The following PRR11 variants were observed in gnomAD, a reference collection of about 807,000 sequenced individuals.
PRR11 encodes the protein proline rich 11.
In PRR11, 30 loss-of-function variants were observed where a neutral mutation model predicts 45.6. That is an observed-to-expected ratio of 0.66 (90% confidence interval 0.49 to 0.89). PRR11 has a LOEUF of 0.89. Ranked by LOEUF, PRR11 falls within the 40% of genes least tolerant of loss-of-function variation. PRR11 has a pLI of 0.00. For missense variants in PRR11, 373 were observed against 424.8 expected, an observed-to-expected ratio of 0.88 and a Z score of 1.07; for synonymous variants, 128 against 153.5, an observed-to-expected ratio of 0.83 and a Z score of 1.23.
chr17:59,193,488 C>T lies in PRR11; in HGVS notation c.403-4C>T. 5.0e-6 allele frequency: 8 copies of T among 1,614,068 alleles called. No individual in the cohort carries two copies. The highest frequency in any genetic ancestry group is 1.3e-5 in the African/African-American group (1 of 75,046). On this transcript the variant is annotated splice_region_variant and splice_polypyrimidine_tract_variant and intron_variant, in intron 4 of 9. Transcript: ENST00000262293. ...TATTTGCCAAATGTGATGTCTTCTT[C>T]CAGACCATCTCAGAAAGTTCTTCCT...
chr17:59,192,956 G>A (rs867343673), intron 4 of PRR11, among the ~76,000 whole-genome samples: 5 of 151,944 alleles, frequency 3.3e-5, no homozygotes, highest in Non-Finnish European at 5.9e-5. Context: ...ATCTCCCTTC[G>A]TCTGCTAAGT....
intron 9 of PRR11, among the ~76,000 whole-genome samples, chr17:59,199,473 T>C (rs541538069): frequency 3.9e-5 from 6 of 152,288 alleles, no homozygotes; most frequent in East Asian, 1.9e-4. Flanking sequence ...GAGCTTTCTT[T>C]GTCACATTCA....
Position 59,172,887 on chromosome 17 carries a change from A to C in PRR11, c.128+3007A>C, listed in dbSNP as rs2046718380. 2.0e-5 allele frequency among the ~76,000 whole-genome samples: 3 copies of C among 152,198 alleles called. No individual in the cohort carries two copies. In the South Asian group the frequency reaches 6.2e-4, roughly 31 times the overall value. ...CACAGCACCCATCGCATGCCCGCCC[A>C]AGGGCTGAGGAGTGTGGGCACATGG... On this transcript the variant is annotated intron_variant, in intron 2 of 9. Coordinates refer to ENST00000262293, the MANE Select transcript of PRR11 (RefSeq NM_018304.4).
At chr17:59,172,494 A>C (rs1475700981) in intron 2 of PRR11, among the ~76,000 whole-genome samples, 2 of 152,180 alleles carry the variant, frequency 1.3e-5, no homozygotes, top group African/African-American at 4.8e-5. Flanking sequence ...GGCCGGAGCC[A>C]GCTCCCTCAG....
At chr17:59,170,964 TTAAAG>T (rs1264504388) in intron 2 of PRR11, among the ~76,000 whole-genome samples, 1 of 152,134 alleles carries the variant, frequency 6.6e-6, no homozygotes, top group Non-Finnish European at 1.5e-5. Flanking sequence ...CACATCCTCT[TTAAAG>T]TAACACACGG....
intron 1 of PRR11, among the ~76,000 whole-genome samples, chr17:59,161,182 G>A (rs940468852): frequency 6.6e-6 from 1 of 152,026 alleles, no homozygotes; most frequent in Non-Finnish European, 1.5e-5. Context: ...CGAGGGAGGC[G>A]GATAACCTGA....
chr17:59,193,069 T>G (rs536495181), intron 4 of PRR11, among the ~76,000 whole-genome samples: 1 of 152,314 alleles, frequency 6.6e-6, no homozygotes, highest in African/African-American at 2.4e-5. Context: ...TTGTTTTGTT[T>G]CAAGTGTGTT....
chr17:59,172,864 C>A (rs998802620), intron 2 of PRR11, among the ~76,000 whole-genome samples: 9 of 152,272 alleles, frequency 5.9e-5, no homozygotes, highest in African/African-American at 2.2e-4. Context: ...CCCTGCTCCA[C>A]AGCACCCATC....
chr17:59,197,410 C>A (rs1244837253), intron 7 of PRR11, 134 bp from the exon 8 acceptor site: 5 of 796,930 alleles, frequency 6.3e-6, no homozygotes, highest in African/African-American at 5.2e-5. Context: ...CACCACCACA[C>A]CTGGCTAATT....
chr17:59,195,370 G>T lies in PRR11; in HGVS notation c.784G>T (p.Val262Phe), dbSNP rs148344168. Residue 262 changes from valine to phenylalanine, a missense_variant, in exon 7 of 10, where the codon GTC becomes TTC. Coordinates refer to ENST00000262293, the MANE Select transcript of PRR11 (RefSeq NM_018304.4). ...GAAAGCACGGAATCCACTAGTTACC[G>T]TCTCTGACTTGCAGCATGTTACCCT... Reference protein sequence around the residue: ...SPKARNPLVTVSDLQHVTLKP... With the variant: ...SPKARNPLVTFSDLQHVTLKP... 1 of 1,613,226 alleles carries T rather than the reference G, an allele frequency of 6.2e-7. No homozygotes were observed. The highest frequency in any genetic ancestry group is 8.5e-7 in the Non-Finnish European group (1 of 1,179,422).
At chr17:59,197,086 A>T (rs1206643151) in intron 7 of PRR11, among the ~76,000 whole-genome samples, 4 of 151,786 alleles carry the variant, frequency 2.6e-5, no homozygotes, top group African/African-American at 7.3e-5. Context: ...TGACCTCGTG[A>T]TCCATCTGCC....
intron 1 of PRR11, among the ~76,000 whole-genome samples, chr17:59,162,223 C>G (rs905387921): frequency 2.0e-5 from 3 of 150,354 alleles, no homozygotes; most frequent in Admixed American, 6.6e-5. Context: ...GACACACACA[C>G]ACACACACAC....
chr17:59,163,990 G>A (rs537672081), intron 1 of PRR11, among the ~76,000 whole-genome samples: 18 of 152,068 alleles, frequency 1.2e-4, no homozygotes, highest in African/African-American at 3.1e-4. Context: ...ACTTGAACTT[G>A]GGGGGTGGGC....
chr17:59,164,152 G>A (rs947031110), intron 1 of PRR11, among the ~76,000 whole-genome samples: 4 of 152,166 alleles, frequency 2.6e-5, no homozygotes, highest in Non-Finnish European at 5.9e-5. Flanking sequence ...CTTTGCTTGA[G>A]TATTGTCTAT....
At chr17:59,176,618 C>T (rs1005255040) in intron 2 of PRR11, among the ~76,000 whole-genome samples, 40 of 143,674 alleles carry the variant, frequency 2.8e-4, no homozygotes, top group African/African-American at 9.6e-4. Context: ...CCCTTAGGAG[C>T]GGTTTATGGT....
chr17:59,198,629 G>T (rs547906630), intron 9 of PRR11, among the ~76,000 whole-genome samples: 2 of 151,966 alleles, frequency 1.3e-5, no homozygotes, highest in Non-Finnish European at 2.9e-5. Context: ...AGCCAAGATT[G>T]TGCCACTGAA....
chr17:59,173,389 C>G (rs1245971493), intron 2 of PRR11, among the ~76,000 whole-genome samples: 1 of 152,206 alleles, frequency 6.6e-6, no homozygotes, highest in African/African-American at 2.4e-5. Flanking sequence ...TGGCACTTTG[C>G]AATGAATCTT....
At chr17:59,168,949 G>C (rs1359595048) in intron 1 of PRR11, among the ~76,000 whole-genome samples, 2 of 152,016 alleles carry the variant, frequency 1.3e-5, no homozygotes, top group Non-Finnish European at 2.9e-5. Flanking sequence ...GGATAGTAAG[G>C]GTTAACTGAA....
At chr17:59,195,848 G>T (rs1294296873) in intron 7 of PRR11, among the ~76,000 whole-genome samples, 3 of 152,082 alleles carry the variant, frequency 2.0e-5, no homozygotes, top group Non-Finnish European at 2.9e-5. Context: ...GGAAGCTGAA[G>T]TAGGAGGATT....
Sources: gnomAD v4.1 joint callset for allele counts (sites outside exome capture counted in the v4.1 genomes callset) on GRCh38, gnomAD v4.1.1 for gene constraint, MANE v1.5 for transcripts, NCBI Gene and HGNC (gene_info 2026-07-23, HGNC 2026-07-21) for gene names.